FGD6: variants seen among roughly 807,000 people sequenced by gnomAD.
FGD6 encodes FYVE, RhoGEF and PH domain containing 6.
In FGD6, 90 loss-of-function variants were observed where a neutral mutation model predicts 149.4. The observed-to-expected ratio is 0.60, with a 90% CI of 0.51 to 0.72. The LOEUF (loss-of-function observed/expected upper bound fraction) is 0.72. Ranked by LOEUF, FGD6 falls within the 30% of genes least tolerant of loss-of-function variation. FGD6 has a pLI of 0.00. For missense variants in FGD6, 1,437 were observed against 1,684.8 expected (o/e 0.85, Z 2.57); for synonymous variants, 527 against 584.0 (o/e 0.90, Z 1.41).
chr12:95,163,422 T>C (rs1880704761), intron 3 of FGD6, among the ~76,000 whole-genome samples: 1 of 152,228 alleles, frequency 6.6e-6, no homozygotes, highest in South Asian at 2.1e-4. Context: ...AATTTTCTTA[T>C]TCATGTAATA....
chr12:95,162,407 G>A (rs1016537421), intron 3 of FGD6, among the ~76,000 whole-genome samples: 3 of 152,102 alleles, frequency 2.0e-5, no homozygotes, highest in Admixed American at 2.0e-4. Context: ...CATACCTGTA[G>A]TCCCAGCTAC....
intron 2 of FGD6, among the ~76,000 whole-genome samples, chr12:95,192,349 G>C (rs1488646756): frequency 6.6e-6 from 1 of 152,134 alleles, no homozygotes; most frequent in Non-Finnish European, 1.5e-5. Flanking sequence ...CCAAGGAAAG[G>C]GGTCCATTGT....
chr12:95,088,284 G>A (rs1877941135), intron 18 of FGD6, among the ~76,000 whole-genome samples: 1 of 152,078 alleles, frequency 6.6e-6, no homozygotes, highest in Admixed American at 6.6e-5. Context: ...TGGGTACACT[G>A]TATACTGCTC....
At chr12:95,179,922 T>C (rs1025108464) in intron 2 of FGD6, among the ~76,000 whole-genome samples, 1 of 151,888 alleles carries the variant, frequency 6.6e-6, no homozygotes, top group Non-Finnish European at 1.5e-5. Flanking sequence ...CTACTAAAAA[T>C]ACAAAATTAG....
intron 8 of FGD6, chr12:95,126,495 G>A: frequency 1.8e-6 from 1 of 543,242 alleles, no homozygotes; most frequent in Non-Finnish European, 3.2e-6. Flanking sequence ...GTGGGAGGCT[G>A]AGGCAGGTGG....
rs1307242076 is a variant in FGD6, at chr12:95,077,388, C to CT, written c.*4131dup. 2.0e-5 allele frequency: 3 copies of CT among 152,198 alleles called. No homozygotes were observed. The highest frequency in any genetic ancestry group is 7.2e-5 in the African/African-American group (3 of 41,398). The allele number at this position is 152,198 out of a possible 1,614,324, so 9.4% of individuals were successfully genotyped here. On this transcript the variant is annotated 3_prime_UTR_variant, in exon 21 of 21. Coordinates refer to ENST00000343958, the MANE Select transcript of FGD6 (RefSeq NM_018351.4). ...TCTGGAGGAATAGGGGAGAGAAAGA[C>CT]TAAGGGTCAGCTATCACAGAGAAGT...
At chr12:95,087,868 A>C (rs1877929232) in intron 18 of FGD6, among the ~76,000 whole-genome samples, 1 of 152,194 alleles carries the variant, frequency 6.6e-6, no homozygotes, top group Non-Finnish European at 1.5e-5. Context: ...ATATAAATAC[A>C]TCCTTATAAA....
intron 9 of FGD6, among the ~76,000 whole-genome samples, chr12:95,111,926 G>A (rs1042411625): frequency 2.6e-5 from 4 of 152,120 alleles, no homozygotes; most frequent in African/African-American, 9.7e-5. Context: ...CTCTGCAAAT[G>A]TAAAGGATAT....
At chr12:95,172,453 C>T in intron 3 of FGD6, 147 bp downstream of exon 3, 1 of 655,088 alleles carries the variant, frequency 1.5e-6, no homozygotes, top group Non-Finnish European at 2.5e-6. Flanking sequence ...TTTTAGGTGC[C>T]ACATTATAGC....
Position 95,210,394 on chromosome 12 carries a change from T to A in FGD6, c.890A>T (p.Asp297Val), listed in dbSNP as rs1387353239. ...TAAATGAATTTCTAAGGGACCAAGG[T>A]CTTTGACTTCTGATTTCTTACTAAC... ...DGVSKKSEVK[D>V]LGPLEIHLVP... Residue 297 changes from aspartate (D) to valine (V), a missense_variant, in exon 2 of 21, where the codon GAC becomes GTC. Coordinates refer to ENST00000343958, the MANE Select transcript of FGD6 (RefSeq NM_018351.4). The A allele has an allele frequency of 6.2e-6, 10 of 1,613,712 alleles. No individual in the cohort carries two copies. The highest frequency in any genetic ancestry group is 2.7e-5 in the African/African-American group (2 of 74,872).
At chr12:95,130,208 CA>C (rs1326825016) in intron 8 of FGD6, among the ~76,000 whole-genome samples, 2 of 152,172 alleles carry the variant, frequency 1.3e-5, no homozygotes, top group Non-Finnish European at 2.9e-5. Flanking sequence ...ATTTGAACAG[CA>C]GTGACAGACT....
chr12:95,217,352 T>C lies in FGD6; in HGVS notation c.-112A>G. ...AGAAAAGCCCCCGCAGCGCCCACAT[T>C]CCGTCCCGCCGCCCCGCGGCGCAGC... On this transcript the variant is annotated 5_prime_UTR_variant, in exon 1 of 21. Transcript: ENST00000343958. 7.3e-7 allele frequency: 1 copy of C among 1,378,800 alleles called. No homozygotes were observed. Among genetic ancestry groups the C allele is most frequent in the Non-Finnish European group, 9.6e-7 (1 of 1,044,562 alleles). 85.4% of individuals were successfully genotyped at this position (1,378,800 alleles called of 1,614,324 possible).
At chr12:95,153,068 A>AT (rs1330247657) in intron 3 of FGD6, 75 bp from the exon 4 acceptor site, 2 of 1,306,034 alleles carry the variant, frequency 1.5e-6, no homozygotes, top group Admixed American at 1.8e-5. Flanking sequence ...TCAGACACGA[A>AT]TTTTAACTCT....
At chr12:95,130,552 A>C (rs1259784607) in intron 8 of FGD6, among the ~76,000 whole-genome samples, 4 of 152,220 alleles carry the variant, frequency 2.6e-5, no homozygotes, top group Non-Finnish European at 5.9e-5. Context: ...AACATGTTTG[A>C]AAGATGCAAA....
chr12:95,122,061 A>G (rs1879207085), intron 8 of FGD6, among the ~76,000 whole-genome samples: 1 of 152,154 alleles, frequency 6.6e-6, no homozygotes, highest in South Asian at 2.1e-4. Context: ...TGTAACTTTA[A>G]TTGTTGATGC....
rs2056718543 is a variant in FGD6 at position 95,210,290 on chromosome 12, C to A, written c.994G>T (p.Asp332Tyr). 1 of 1,614,188 alleles carries A rather than the reference C, an allele frequency of 6.2e-7. No individual in the cohort carries two copies. The highest frequency in any genetic ancestry group is 8.5e-7 in the Non-Finnish European group (1 of 1,180,040). The stretch of plus-strand genomic sequence containing the variant: ...TCTTCAGTGCTTTCACTAGGAGTAT[C>A]TACACACTTTTGGCGTAACAGACGA... ...TARLLRQKCV[D>Y]TPSESTEEPG... is the part of the protein sequence containing the mutation. Residue 332 changes from aspartate (D) to tyrosine (Y), a missense_variant, in exon 2 of 21, where the codon GAT becomes TAT. Asp to Tyr is a radical substitution (Grantham distance 160). Around this residue, in one of 2 missense-constraint regions of FGD6, gnomAD observed 1,055 missense variants for 1,146.0 expected, o/e 0.92. Coordinates refer to ENST00000343958, the MANE Select transcript of FGD6 (RefSeq NM_018351.4).
At chr12:95,096,047 A>T (rs1878222845) in intron 14 of FGD6, among the ~76,000 whole-genome samples, 1 of 151,716 alleles carries the variant, frequency 6.6e-6, no homozygotes, top group African/African-American at 2.4e-5. Context: ...AAATGACCTG[A>T]TATCTGCAAT....
At chr12:95,092,978 T>G (rs1241014508) in intron 15 of FGD6, 133 bp from the exon 16 acceptor site, 19 of 1,018,892 alleles carry the variant, frequency 1.9e-5, no homozygotes, top group Non-Finnish European at 2.7e-5. Flanking sequence ...CCCAGCATTT[T>G]GGGAGGCCGA....
intron 5 of FGD6, among the ~76,000 whole-genome samples, chr12:95,151,882 A>C (rs1038778303): frequency 2.6e-5 from 4 of 152,180 alleles, no homozygotes; most frequent in African/African-American, 9.7e-5. Flanking sequence ...TCTTGCCTAA[A>C]TATAATTGAA....
Sources: gnomAD v4.1 joint callset for allele counts (sites outside exome capture counted in the v4.1 genomes callset) on GRCh38, gnomAD v4.1.1 for gene constraint, gnomAD v4.1.1 regional missense constraint, MANE v1.5 for transcripts, NCBI Gene and HGNC (gene_info 2026-07-23, HGNC 2026-07-21) for gene names.